ATP2C1: variants seen among roughly 807,000 people sequenced by gnomAD.
The protein encoded by ATP2C1 is ATPase secretory pathway Ca2+ transporting 1, also known as calcium-transporting ATPase type 2C member 1.
In ATP2C1, 31 loss-of-function variants were observed where a neutral mutation model predicts 120.5. That is an observed-to-expected ratio of 0.26 (90% CI 0.19 to 0.35). The LOEUF is 0.35. Ranked by LOEUF, ATP2C1 falls within the 10% of genes least tolerant of loss-of-function variation. The probability of loss-of-function intolerance (pLI) is 1.00; values close to 1 mark genes in which losing one functional copy is unlikely to be tolerated. For missense variants in ATP2C1, 731 were observed against 1,107.5 expected, an observed-to-expected ratio of 0.66 and a Z score of 4.83; for synonymous variants, 351 against 358.7, an observed-to-expected ratio of 0.98 and a Z score of 0.24.
intron 2 of ATP2C1, chr3:130,919,217 T>A (rs2058831674): frequency 5.9e-6 from 1 of 170,578 alleles, no homozygotes; most frequent in African/African-American, 2.4e-5. Flanking sequence ...TTTTAGAATT[T>A]CTTTCTTTCT....
chr3:130,909,834 G>A (rs956511051), intron 2 of ATP2C1, among the ~76,000 whole-genome samples: 33 of 151,568 alleles, frequency 2.2e-4, no homozygotes, highest in African/African-American at 5.3e-4. Flanking sequence ...TTGGTTTTTC[G>A]GTATAGTAGT....
chr3:130,941,260 GTGTGT>G (rs2059901437), intron 7 of ATP2C1, among the ~76,000 whole-genome samples: 1 of 133,056 alleles, frequency 7.5e-6, no homozygotes, highest in African/African-American at 2.7e-5. Context: ...GTGTGTGTGT[GTGTGT>G]CTGTGTGTGT....
chr3:130,854,346 G>T (rs2067768037), intron 1 of ATP2C1: 1 of 152,196 alleles, frequency 6.6e-6, no homozygotes, highest in African/African-American at 2.4e-5. Flanking sequence ...GTGAACGTTG[G>T]GCAGCCTGAG....
At chr3:131,014,184 G>C in intron 26 of ATP2C1, 2 of 1,612,830 alleles carry the variant, frequency 1.2e-6, no homozygotes, top group Non-Finnish European at 1.7e-6. Flanking sequence ...AGAACAGCTG[G>C]TATTCTGTTT....
At chr3:130,915,197 G>A (rs113608464) in intron 2 of ATP2C1, among the ~76,000 whole-genome samples, 16,454 of 151,724 alleles carry the variant, frequency 0.11, 1,025 homozygotes, top group East Asian at 0.18. Flanking sequence ...GGGTTCAAGC[G>A]ATTCTCTTGT....
chr3:130,893,250 TA>T (rs1208396274), upstream of ATP2C1, among the ~76,000 whole-genome samples: 1 of 152,192 alleles, frequency 6.6e-6, no homozygotes, highest in Non-Finnish European at 1.5e-5. Flanking sequence ...GTACAGCTGC[TA>T]AAAGAAGTGC....
chr3:130,860,336 A>G (rs2067975399), intron 1 of ATP2C1, among the ~76,000 whole-genome samples: 1 of 152,242 alleles, frequency 6.6e-6, no homozygotes, highest in Admixed American at 6.5e-5. Flanking sequence ...TGTACTGCTC[A>G]TGATTTGCTG....
At chr3:130,931,539 T>C (rs2059448148) in intron 3 of ATP2C1, among the ~76,000 whole-genome samples, 1 of 152,096 alleles carries the variant, frequency 6.6e-6, no homozygotes, top group Non-Finnish European at 1.5e-5. Flanking sequence ...AAACTAATTT[T>C]AGAAAATGGC....
intron 20 of ATP2C1, among the ~76,000 whole-genome samples, chr3:130,988,213 G>T (rs1213989217): frequency 1.3e-5 from 2 of 152,064 alleles, no homozygotes; most frequent in Non-Finnish European, 2.9e-5. Context: ...TTATTCTAAT[G>T]CAAGACACAT....
intron 26 of ATP2C1, among the ~76,000 whole-genome samples, chr3:131,008,424 A>C (rs1296642744): frequency 1.1e-5 from 1 of 93,366 alleles, no homozygotes; most frequent in African/African-American, 4.3e-5. Context: ...AGACTGTCTC[A>C]AAAAAAAAAA....
intron 2 of ATP2C1, chr3:130,928,248 G>C (rs928417242): frequency 6.6e-6 from 1 of 152,334 alleles, no homozygotes; most frequent in South Asian, 2.1e-4. Flanking sequence ...GAACACACTT[G>C]AGGTGCAGGT....
chr3:130,852,800 C>T (rs1340311014), intron 1 of ATP2C1, among the ~76,000 whole-genome samples: 1 of 152,188 alleles, frequency 6.6e-6, no homozygotes. Flanking sequence ...TCTTGTATAA[C>T]TAATCCTTGA....
intron 1 of ATP2C1, among the ~76,000 whole-genome samples, chr3:130,866,252 G>C (rs902673157): frequency 6.6e-6 from 1 of 152,176 alleles, no homozygotes. Context: ...AGTGAGAATT[G>C]TGTAAAGCCA....
At chr3:130,999,252 C>G (rs1191144340) in intron 26 of ATP2C1, among the ~76,000 whole-genome samples, 1 of 152,112 alleles carries the variant, frequency 6.6e-6, no homozygotes, top group Non-Finnish European at 1.5e-5. Context: ...TAAAAGGTTT[C>G]TTTTCTTTCT....
At chr3:130,875,079 G>T (rs898985462) in intron 1 of ATP2C1, among the ~76,000 whole-genome samples, 1 of 152,110 alleles carries the variant, frequency 6.6e-6, no homozygotes, top group Non-Finnish European at 1.5e-5. Flanking sequence ...TCAAGTAAGG[G>T]CAATTAGCAT....
chr3:130,918,294 C>A (rs1006424145), intron 2 of ATP2C1: 18 of 1,555,704 alleles, frequency 1.2e-5, no homozygotes, highest in Non-Finnish European at 1.5e-5. Context: ...GCATAGCACC[C>A]TTTACAATAG....
intron 8 of ATP2C1, among the ~76,000 whole-genome samples, chr3:130,945,389 T>C (rs1332685479): frequency 6.6e-6 from 1 of 152,134 alleles, no homozygotes; most frequent in Non-Finnish European, 1.5e-5. Context: ...TATTATACTT[T>C]GTTTTAGGGT....
chr3:130,903,878 T>C (rs1433094705), intron 2 of ATP2C1, among the ~76,000 whole-genome samples: 1 of 152,092 alleles, frequency 6.6e-6, no homozygotes, highest in East Asian at 1.9e-4. Context: ...CCTCCATCCT[T>C]GTACCAAATT....
At chr3:131,014,218 T>G in intron 26 of ATP2C1, 1 of 1,614,072 alleles carries the variant, frequency 6.2e-7, no homozygotes. Flanking sequence ...TTTTTTGAAT[T>G]TGATCTACCT....
Sources: allele counts gnomAD v4.1 joint callset (sites outside exome capture counted in the v4.1 genomes callset), GRCh38; gene constraint gnomAD v4.1.1; transcripts MANE v1.5; gene names NCBI Gene and HGNC (gene_info 2026-07-23, HGNC 2026-07-21).